The following CCT7 variants were observed in gnomAD, a reference collection of about 807,000 sequenced individuals.
CCT7 encodes the protein chaperonin containing TCP1 subunit 7.
CCT7 carries 16 observed loss-of-function variants against 56.6 expected under a neutral mutation model. The ratio of observed to expected loss-of-function variants is 0.28; its 90% CI spans 0.19 to 0.43. CCT7 has a LOEUF of 0.43. Among genes scored for constraint, CCT7 ranks in the 20% least tolerant of loss-of-function variants. CCT7 has a pLI of 1.00. For synonymous variants in CCT7, 262 were observed against 254.8 expected, an observed-to-expected ratio of 1.03 and a Z score of -0.27; for missense variants, 519 against 685.6, an observed-to-expected ratio of 0.76 and a Z score of 2.71.
intron 7 of CCT7, 60 bp downstream of exon 7, chr2:73,247,986 C>T (rs940294866): frequency 8.0e-6 from 12 of 1,503,422 alleles, no homozygotes; most frequent in South Asian, 4.6e-5. Flanking sequence ...AGCCAGAGCC[C>T]TGGGTCTTCA....
intron 10 of CCT7, among the ~76,000 whole-genome samples, chr2:73,250,833 G>A (rs957669270): frequency 2.6e-5 from 4 of 151,744 alleles, no homozygotes; most frequent in Non-Finnish European, 5.9e-5. Context: ...CCAGCTACTC[G>A]GGAGGCTGAG....
At chr2:73,241,954 T>C (rs532864498) in intron 3 of CCT7, among the ~76,000 whole-genome samples, 2 of 152,118 alleles carry the variant, frequency 1.3e-5, no homozygotes, top group East Asian at 3.9e-4. Context: ...TTGGCCAGGC[T>C]GGTCTCGAAC....
chr2:73,252,558 C>A, intron 11 of CCT7, 82 bp from the exon 12 acceptor site: 2 of 1,052,752 alleles, frequency 1.9e-6, no homozygotes, highest in Non-Finnish European at 2.9e-6. Context: ...GGGTTCCTAG[C>A]AGTGTCTTTT....
chr2:73,244,257 A>G (rs1687237082), intron 5 of CCT7: 5 of 628,974 alleles, frequency 7.9e-6, no homozygotes, highest in South Asian at 6.1e-5. Context: ...GCATGCTGCA[A>G]TCCCTCTATG....
At chr2:73,250,935 GA>G (rs1445599874) in intron 10 of CCT7, among the ~76,000 whole-genome samples, 1 of 151,884 alleles carries the variant, frequency 6.6e-6, no homozygotes, top group East Asian at 1.9e-4. Context: ...GCAAGCAGAA[GA>G]AAAAGACTTC....
chr2:73,251,429 C>T lies in CCT7; in HGVS notation c.1407C>T (p.Ala469=). ...NILNKLRARH[A]QGGTWYGVDI... ...TCAACAAGCTGCGGGCTCGGCATGC[C>T]CAGGTGGGTCCTTTCTCTCCCCAGG... The change falls in exon 11 of 12, where the codon GCC becomes GCT. Residue 469 remains alanine (A), a synonymous_variant. Coordinates refer to ENST00000258091, the MANE Select transcript of CCT7 (RefSeq NM_006429.4). The T allele has an allele frequency of 6.2e-7, 1 of 1,611,782 alleles. No homozygotes were observed. The highest frequency in any genetic ancestry group is 2.2e-5 in the East Asian group (1 of 44,824).
chr2:73,234,310 T>C lies in CCT7; in HGVS notation c.-69T>C. The C allele has an allele frequency of 1.3e-6, 2 of 1,592,226 alleles. No homozygotes were observed. Among genetic ancestry groups the C allele is most frequent in the East Asian group, 2.2e-5 (1 of 44,750 alleles). ...TGGGTATTTCTATTGCGCGAGGCAT[T>C]GTGGGTTGCTGGGCGGCCCGGTCTC... is the stretch of plus-strand genomic sequence containing the variant. On this transcript the variant is annotated 5_prime_UTR_variant, in exon 1 of 12. Coordinates refer to ENST00000258091, the MANE Select transcript of CCT7 (RefSeq NM_006429.4).
Position 73,234,396 on chromosome 2 carries a change from C to G in CCT7, c.6+12C>G. 2 of 1,613,212 alleles carry G rather than the reference C, an allele frequency of 1.2e-6. No individual in the cohort carries two copies. The highest frequency in any genetic ancestry group is 1.7e-6 in the Non-Finnish European group (2 of 1,179,916). On this transcript the variant is annotated intron_variant, in intron 1 of 11. Coordinates refer to ENST00000258091, the MANE Select transcript of CCT7 (RefSeq NM_006429.4). ...CTTCCAAAATGATGGTGAGTGGCGT[C>G]TCGCGCATCCGTCGCCATCAGCTGC...
rs1574368024 is a variant in CCT7 at position 73,252,924 on chromosome 2, T to G, written c.*63T>G. ...GGTGCACTTACCCTCCTTGGCTTGG[T>G]TACTTCATTTTACAAGGAAGGGGTA... On this transcript the variant is annotated 3_prime_UTR_variant, in exon 12 of 12. Coordinates refer to ENST00000258091, the MANE Select transcript of CCT7 (RefSeq NM_006429.4). 1 of 1,196,728 alleles carries G rather than the reference T, an allele frequency of 8.4e-7. No individual in the cohort carries two copies. Among genetic ancestry groups the G allele is most frequent in the Non-Finnish European group, 1.2e-6 (1 of 833,462 alleles). 74.1% of individuals were successfully genotyped at this position (1,196,728 alleles called of 1,614,324 possible).
chr2:73,251,197 T>TA (rs1198598316), intron 10 of CCT7, 29 bp from the exon 11 acceptor site: 1 of 1,607,118 alleles, frequency 6.2e-7, no homozygotes, highest in Non-Finnish European at 8.5e-7. Flanking sequence ...GGGGCCCTCT[T>TA]ACATTGAGAG....
chr2:73,241,077 A>T (rs752751541), intron 3 of CCT7, among the ~76,000 whole-genome samples: 1 of 144,720 alleles, frequency 6.9e-6, no homozygotes, highest in African/African-American at 2.6e-5. Flanking sequence ...CAGACATAAT[A>T]TTTATTCTTA....
In CCT7 at chr2:73,252,979, G is replaced by T; in HGVS notation, c.*118G>T. The stretch of plus-strand genomic sequence containing the variant: ...TTGGCCCACTCTCTTCTTACTGGAG[G>T]CTATTTAAATAAAATGTAAGACTTC... On this transcript the variant is annotated 3_prime_UTR_variant, in exon 12 of 12. Transcript: ENST00000258091. 1.5e-6 allele frequency: 1 copy of T among 667,060 alleles called. No homozygotes were observed. Among genetic ancestry groups the T allele is most frequent in the Non-Finnish European group, 2.6e-6 (1 of 387,322 alleles). The allele number at this position is 667,060 out of a possible 1,614,324, so 41.3% of individuals were successfully genotyped here.
chr2:73,250,893 T>A (rs1205739216), intron 10 of CCT7, among the ~76,000 whole-genome samples: 1 of 151,732 alleles, frequency 6.6e-6, no homozygotes, highest in African/African-American at 2.4e-5. Flanking sequence ...TGAGCTATGA[T>A]CACACCACTG....
intron 1 of CCT7, among the ~76,000 whole-genome samples, chr2:73,238,836 T>C (rs754724292): frequency 1.1e-4 from 17 of 152,190 alleles, no homozygotes; most frequent in Non-Finnish European, 1.8e-4. Flanking sequence ...AGCAAAGATA[T>C]CTGAGCGGGC....
rs1277015606 is a variant in CCT7, at chr2:73,252,856, C to T, written c.1627C>T (p.His543Tyr). Residue 543 changes from histidine (H) to tyrosine (Y), a missense_variant, in exon 12 of 12, where the codon CAC becomes TAC. By Grantham distance (83) the His-to-Tyr change is moderately conservative (BLOSUM62 2). This residue lies in a region of CCT7 where 237 missense variants were observed against 300.8 expected (regional missense o/e 0.79). Transcript: ENST00000258091. ...AGRGRGRGRP[H>Y] ...CCGGGGCCGTGGTCGTGGCCGCCCC[C>T]ACTGAGAGGCACCCCACCCATCACA... The T allele has an allele frequency of 6.2e-7, 1 of 1,612,074 alleles. No individual in the cohort carries two copies. The highest frequency in any genetic ancestry group is 8.5e-7 in the Non-Finnish European group (1 of 1,178,834).
At chr2:73,235,844 G>T (rs547457185) in intron 1 of CCT7, among the ~76,000 whole-genome samples, 1 of 152,266 alleles carries the variant, frequency 6.6e-6, no homozygotes, top group African/African-American at 2.4e-5. Flanking sequence ...AAGAGCTTTG[G>T]TTCACATTCA....
chr2:73,243,276 A>T (rs1311321538), intron 4 of CCT7, 147 bp downstream of exon 4: 1 of 823,766 alleles, frequency 1.2e-6, no homozygotes, highest in Non-Finnish European at 1.9e-6. Context: ...TCTCAGTTCT[A>T]CTAATCTGTA....
chr2:73,237,124 G>A (rs1358493882), intron 1 of CCT7, among the ~76,000 whole-genome samples: 1 of 152,204 alleles, frequency 6.6e-6, no homozygotes, highest in Admixed American at 6.5e-5. Flanking sequence ...TAAGCTGGAT[G>A]GTGATAAAAA....
intron 3 of CCT7, among the ~76,000 whole-genome samples, chr2:73,242,454 A>G (rs183736027): frequency 2.0e-5 from 3 of 151,918 alleles, no homozygotes; most frequent in Admixed American, 6.6e-5. Context: ...TAATTTTTGT[A>G]TTTTTAGTAG....
Sources: gnomAD v4.1 joint callset for allele counts (sites outside exome capture counted in the v4.1 genomes callset) on GRCh38, gnomAD v4.1.1 for gene constraint, gnomAD v4.1.1 regional missense constraint, MANE v1.5 for transcripts, NCBI Gene and HGNC (gene_info 2026-07-23, HGNC 2026-07-21) for gene names.